PPP1R9A: variants seen among roughly 807,000 people sequenced by gnomAD.
The protein encoded by PPP1R9A is neurabin-1.
A neutral mutation model predicts 141.9 loss-of-function variants in PPP1R9A; 59 were observed. The ratio of observed to expected loss-of-function variants is 0.42; its 90% CI spans 0.34 to 0.52. The LOEUF is 0.52. Among genes scored for constraint, PPP1R9A ranks in the 20% least tolerant of loss-of-function variants. PPP1R9A has a pLI of 0.10. For synonymous variants in PPP1R9A, 500 were observed against 569.7 expected, an observed-to-expected ratio of 0.88 and a Z score of 1.74; for missense variants, 1,444 against 1,611.9, an observed-to-expected ratio of 0.90 and a Z score of 1.78.
intron 5 of PPP1R9A, among the ~76,000 whole-genome samples, chr7:95,170,694 C>T (rs1163990428): frequency 6.6e-6 from 1 of 151,172 alleles, no homozygotes; most frequent in African/African-American, 2.4e-5. Flanking sequence ...AATTCATTAC[C>T]TGGAGAATAC....
chr7:95,014,690 A>G (rs1804853897), intron 2 of PPP1R9A, among the ~76,000 whole-genome samples: 1 of 152,030 alleles, frequency 6.6e-6, no homozygotes, highest in Admixed American at 6.6e-5. Flanking sequence ...TGATTCTTGC[A>G]TGACTGAAGC....
intron 4 of PPP1R9A, chr7:95,156,554 A>T (rs1829645550): frequency 6.6e-6 from 1 of 152,416 alleles, no homozygotes; most frequent in Non-Finnish European, 1.5e-5. Flanking sequence ...GATGAGCGAG[A>T]TGAAGGGGAG....
intron 2 of PPP1R9A, among the ~76,000 whole-genome samples, chr7:94,970,207 C>T (rs895519192): frequency 6.6e-6 from 1 of 152,168 alleles, no homozygotes; most frequent in Non-Finnish European, 1.5e-5. Context: ...AAAAACACTC[C>T]AGCAGCTAGC....
chr7:95,292,427 T>C lies in PPP1R9A; in HGVS notation c.*2124T>C, dbSNP rs983995551. 1 of 152,592 alleles carries C rather than the reference T, an allele frequency of 6.6e-6. No homozygotes were observed. Among genetic ancestry groups the C allele is most frequent in the Non-Finnish European group, 1.5e-5 (1 of 68,018 alleles). 9.5% of individuals were successfully genotyped at this position (152,592 alleles called of 1,614,324 possible). On this transcript the variant is annotated 3_prime_UTR_variant, in exon 20 of 20. Coordinates refer to ENST00000433360, the MANE Select transcript of PPP1R9A (RefSeq NM_001166160.2). ...GTTTCACTGTATTCAAGAGTAGAAA[T>C]AGAAGGATGATTATCTTAAGTTATG...
At chr7:95,112,991 G>A (rs1820829509) in intron 3 of PPP1R9A, among the ~76,000 whole-genome samples, 1 of 152,026 alleles carries the variant, frequency 6.6e-6, no homozygotes, top group South Asian at 2.1e-4. Context: ...AACTATTCAG[G>A]TAAAGGTTAC....
At chr7:95,196,670 CAA>C (rs1486171200) in intron 5 of PPP1R9A, among the ~76,000 whole-genome samples, 1 of 152,048 alleles carries the variant, frequency 6.6e-6, no homozygotes, top group Admixed American at 6.6e-5. Context: ...GATAAACCTC[CAA>C]ATCATTGTGG....
chr7:94,978,031 G>A (rs1319990916), intron 2 of PPP1R9A, among the ~76,000 whole-genome samples: 1 of 152,152 alleles, frequency 6.6e-6, no homozygotes, highest in African/African-American at 2.4e-5. Flanking sequence ...AAAGTGCTGG[G>A]ATTACAGGCG....
rs527668928 is a variant in PPP1R9A, at chr7:94,936,549, CA to C, written c.1395+25042del. 3.5e-3 allele frequency among the ~76,000 whole-genome samples: 538 copies of C among 152,092 alleles called. 3 individuals carry two copies. The highest frequency in any genetic ancestry group is 0.012 in the African/African-American group (505 of 41,502). ...AACAGGAAAACCTGAGCAAAGATTG[CA>C]TGAAAGAACCTTTTAAGGTACTTTG... On this transcript the variant is annotated intron_variant, in intron 2 of 19. Transcript: ENST00000433360.
chr7:95,253,035 A>G (rs1020389386), intron 12 of PPP1R9A, among the ~76,000 whole-genome samples: 4 of 152,256 alleles, frequency 2.6e-5, no homozygotes, highest in Non-Finnish European at 4.4e-5. Context: ...CACACACAAC[A>G]TTCTTAGATT....
rs574625701 is a variant in PPP1R9A at position 95,157,263 on chromosome 7, C to G, written c.1650-4604C>G. 7.2e-5 allele frequency among the ~76,000 whole-genome samples: 11 copies of G among 152,304 alleles called. No individual in the cohort carries two copies. In the South Asian group the frequency reaches 8.3e-4, roughly 11 times the overall value. Reference sequence around the variant, plus strand: ...GGCCTTCTCAGCTCCCCCTCTCCCCCCCCAGAGTGCAGGGATACCTGGGTC... The same window carrying G: ...GGCCTTCTCAGCTCCCCCTCTCCCCGCCCAGAGTGCAGGGATACCTGGGTC... On this transcript the variant is annotated intron_variant, in intron 4 of 19. Transcript: ENST00000433360.
intron 2 of PPP1R9A, among the ~76,000 whole-genome samples, chr7:95,020,165 A>G (rs146883534): frequency 1.7e-4 from 26 of 152,268 alleles, no homozygotes; most frequent in African/African-American, 5.8e-4. Context: ...AGAAAGTGCA[A>G]TGAACCTGTA....
intron 2 of PPP1R9A, among the ~76,000 whole-genome samples, chr7:95,084,486 C>A (rs1174508224): frequency 6.6e-6 from 1 of 151,896 alleles, no homozygotes; most frequent in African/African-American, 2.4e-5. Context: ...TAATTTTTTT[C>A]ATGCTTGCTT....
chr7:95,166,042 G>A (rs1420309639), intron 5 of PPP1R9A, among the ~76,000 whole-genome samples: 1 of 151,642 alleles, frequency 6.6e-6, no homozygotes, highest in African/African-American at 2.4e-5. Flanking sequence ...CCAGCTACTT[G>A]GGAGGCTGAG....
At chr7:95,080,781 G>C (rs948706757) in intron 2 of PPP1R9A, among the ~76,000 whole-genome samples, 4 of 152,060 alleles carry the variant, frequency 2.6e-5, no homozygotes, top group Non-Finnish European at 4.4e-5. Flanking sequence ...GTGGCATTCT[G>C]GTCTCCTACA....
intron 11 of PPP1R9A, 30 bp downstream of exon 11, chr7:95,251,888 A>G (rs759628756): frequency 2.5e-6 from 4 of 1,611,226 alleles, no homozygotes; most frequent in Admixed American, 1.7e-5. Context: ...ACACTAAATA[A>G]TAAGATGGTT....
intron 2 of PPP1R9A, among the ~76,000 whole-genome samples, chr7:94,965,078 A>T (rs1479758108): frequency 6.6e-6 from 1 of 151,968 alleles, no homozygotes. Flanking sequence ...ATGAGCAGTG[A>T]TGATGAGCTT....
At chr7:95,266,059 A>C (rs2153040936) in intron 12 of PPP1R9A, among the ~76,000 whole-genome samples, 1 of 152,200 alleles carries the variant, frequency 6.6e-6, no homozygotes, top group Admixed American at 6.5e-5. Context: ...CACTATTAAA[A>C]CCTGCTAATA....
At chr7:95,164,883 A>T (rs996073281) in intron 5 of PPP1R9A, among the ~76,000 whole-genome samples, 22 of 151,090 alleles carry the variant, frequency 1.5e-4, no homozygotes, top group African/African-American at 5.1e-4. Context: ...TGACATCTTC[A>T]TATGGCATTC....
chr7:94,992,121 A>C (rs370446855), intron 2 of PPP1R9A, among the ~76,000 whole-genome samples: 2 of 152,116 alleles, frequency 1.3e-5, no homozygotes, highest in African/African-American at 4.8e-5. Flanking sequence ...TCACACCCCA[A>C]AGTTTTCTTT....
Sources: gnomAD v4.1 joint callset for allele counts (sites outside exome capture counted in the v4.1 genomes callset) on GRCh38, gnomAD v4.1.1 for gene constraint, MANE v1.5 for transcripts, NCBI Gene and HGNC (gene_info 2026-07-23, HGNC 2026-07-21) for gene names.